The following ST3GAL3 variants were observed in gnomAD, a reference collection of about 807,000 sequenced individuals.
ST3GAL3 encodes the protein ST3 beta-galactoside alpha-2,3-sialyltransferase 3.
In ST3GAL3, 21 loss-of-function variants were observed where a neutral mutation model predicts 50.1. That is an observed-to-expected ratio of 0.42 (90% confidence interval 0.30 to 0.60). The LOEUF is 0.60. Ranked by LOEUF, ST3GAL3 falls within the 20% of genes least tolerant of loss-of-function variation. The probability of loss-of-function intolerance (pLI) is 0.19; values close to 1 mark genes in which losing one functional copy is unlikely to be tolerated. For synonymous variants in ST3GAL3, 183 were observed against 190.0 expected (o/e 0.96, Z 0.30); for missense variants, 353 against 489.4 (o/e 0.72, Z 2.63).
intron 5 of ST3GAL3, among the ~76,000 whole-genome samples, chr1:43,883,301 T>G (rs898965393): frequency 1.3e-5 from 2 of 151,698 alleles, no homozygotes; most frequent in Non-Finnish European, 2.9e-5. Context: ...TAGGAAGGGG[T>G]CTCCTGATTG....
intron 5 of ST3GAL3, among the ~76,000 whole-genome samples, chr1:43,862,018 A>C (rs1308804304): frequency 6.6e-6 from 1 of 150,868 alleles, no homozygotes; most frequent in East Asian, 2.0e-4. Flanking sequence ...ACAAGAGCGA[A>C]AATCTGTCTT....
At chr1:43,854,914 C>T (rs761091534) in intron 5 of ST3GAL3, among the ~76,000 whole-genome samples, 5 of 152,150 alleles carry the variant, frequency 3.3e-5, no homozygotes, top group Admixed American at 6.6e-5. Context: ...TTCCCCTGAG[C>T]CCTGATTCTC....
intron 2 of ST3GAL3, chr1:43,771,921 T>G (rs1695393423): frequency 5.0e-6 from 2 of 398,390 alleles, no homozygotes; most frequent in Non-Finnish European, 8.8e-6. Context: ...CCCTGGATGT[T>G]GGGGTCACCA....
intron 9 of ST3GAL3, among the ~76,000 whole-genome samples, chr1:43,907,961 C>G (rs894985684): frequency 3.3e-5 from 5 of 152,340 alleles, no homozygotes; most frequent in African/African-American, 1.2e-4. Flanking sequence ...GCCACTCTCA[C>G]CTGGCAGTGA....
At chr1:43,909,267 A>G (rs1393248553) in intron 9 of ST3GAL3, among the ~76,000 whole-genome samples, 1 of 152,092 alleles carries the variant, frequency 6.6e-6, no homozygotes, top group Non-Finnish European at 1.5e-5. Flanking sequence ...ACCTCCTTTC[A>G]TTGCCCTGGA....
At chr1:43,806,921 G>C (rs533055632) in intron 3 of ST3GAL3, among the ~76,000 whole-genome samples, 115 of 152,304 alleles carry the variant, frequency 7.6e-4, no homozygotes, top group South Asian at 2.3e-3. Context: ...ACACACCTGG[G>C]TTCAAGCGAT....
At chr1:43,817,542 C>CCTT (rs1298668952) in intron 4 of ST3GAL3, among the ~76,000 whole-genome samples, 2 of 110,294 alleles carry the variant, frequency 1.8e-5, no homozygotes, top group African/African-American at 3.4e-5. Flanking sequence ...TTCTCCTTCT[C>CCTT]CTTCTTCTTC....
chr1:43,876,211 G>A (rs887709828), intron 5 of ST3GAL3, among the ~76,000 whole-genome samples: 3 of 152,094 alleles, frequency 2.0e-5, no homozygotes, highest in Admixed American at 6.5e-5. Context: ...CAATCCGCCC[G>A]CCTCGGCCTC....
chr1:43,775,441 C>A (rs1558245442), intron 2 of ST3GAL3, among the ~76,000 whole-genome samples: 2 of 152,058 alleles, frequency 1.3e-5, no homozygotes, highest in Admixed American at 6.6e-5. Context: ...GCCATGTTGG[C>A]CAGGCTGGTC....
At chr1:43,772,392 T>C (rs1283723763) in intron 2 of ST3GAL3, 3 of 182,772 alleles carry the variant, frequency 1.6e-5, no homozygotes, top group African/African-American at 7.0e-5. Context: ...CTTTTTGTCA[T>C]GATGGACAGA....
intron 4 of ST3GAL3, among the ~76,000 whole-genome samples, chr1:43,829,995 CTTTTTTTTTTTTTTTTT>C (rs71579312): frequency 2.0e-4 from 14 of 70,132 alleles, no homozygotes; most frequent in Middle Eastern, 0.017. Flanking sequence ...ATAAAAATTC[CTTTTTTTTTTTTTTTTT>C]TTTTTTTTTT....
intron 2 of ST3GAL3, among the ~76,000 whole-genome samples, chr1:43,785,491 G>A (rs1260524208): frequency 1.3e-5 from 2 of 152,162 alleles, no homozygotes; most frequent in Non-Finnish European, 2.9e-5. Flanking sequence ...AGGCCTTCTG[G>A]GAACTGAAGA....
chr1:43,883,845 C>G (rs1178673223), intron 5 of ST3GAL3, among the ~76,000 whole-genome samples: 2 of 152,200 alleles, frequency 1.3e-5, no homozygotes, highest in Non-Finnish European at 2.9e-5. Context: ...AACTACCCTT[C>G]TGAACATTCT....
intron 5 of ST3GAL3, among the ~76,000 whole-genome samples, chr1:43,866,131 T>A (rs1210416110): frequency 6.6e-6 from 1 of 152,208 alleles, no homozygotes; most frequent in Non-Finnish European, 1.5e-5. Context: ...GGTAAGGACA[T>A]GTCATGGCCC....
At chr1:43,906,302 C>G (rs1571182897) in intron 9 of ST3GAL3, among the ~76,000 whole-genome samples, 1 of 141,422 alleles carries the variant, frequency 7.1e-6, no homozygotes, top group African/African-American at 2.6e-5. Flanking sequence ...CCTCCCCCTC[C>G]TCCTGTTTCT....
At chr1:43,755,236 C>T (rs376394387) in intron 2 of ST3GAL3, among the ~76,000 whole-genome samples, 2 of 151,990 alleles carry the variant, frequency 1.3e-5, no homozygotes, top group African/African-American at 4.8e-5. Flanking sequence ...AATAAGAAAC[C>T]CATAATGCTA....
At chr1:43,761,753 A>T (rs1316001388) in intron 2 of ST3GAL3, among the ~76,000 whole-genome samples, 1 of 149,580 alleles carries the variant, frequency 6.7e-6, no homozygotes, top group African/African-American at 2.5e-5. Flanking sequence ...GATCGAGACC[A>T]TCCTGGCTAA....
chr1:43,912,002 T>C (rs1335158118), intron 9 of ST3GAL3: 2 of 152,212 alleles, frequency 1.3e-5, no homozygotes, highest in East Asian at 3.8e-4. Flanking sequence ...AACTTTCAGA[T>C]ATTTAGAATT....
At chr1:43,864,936 A>G (rs1395138123) in intron 5 of ST3GAL3, among the ~76,000 whole-genome samples, 2 of 152,114 alleles carry the variant, frequency 1.3e-5, no homozygotes, top group Non-Finnish European at 2.9e-5. Flanking sequence ...ATTCCTGCAG[A>G]ACATCCCTGT....
Sources: allele counts gnomAD v4.1 joint callset (sites outside exome capture counted in the v4.1 genomes callset), GRCh38; gene constraint gnomAD v4.1.1; transcripts MANE v1.5; gene names NCBI Gene and HGNC (gene_info 2026-07-23, HGNC 2026-07-21).